Variants in GRK6 observed in about 807,000 individuals in gnomAD.
The protein encoded by GRK6 is G protein-coupled receptor kinase 6.
A neutral mutation model predicts 80.8 loss-of-function variants in GRK6; 37 were observed. The observed-to-expected ratio is 0.46, with a 90% CI of 0.35 to 0.60. GRK6 has a LOEUF of 0.60. GRK6 is among the 20% of genes least tolerant of loss of function. GRK6 has a pLI of 0.00. For synonymous variants in GRK6, 295 were observed against 320.9 expected, an observed-to-expected ratio of 0.92 and a Z score of 0.86; for missense variants, 560 against 784.6, an observed-to-expected ratio of 0.71 and a Z score of 3.42.
In GRK6 at chr5:177,435,045, C is replaced by G; in HGVS notation, c.981C>G (p.Ile327Met). 1.2e-6 allele frequency: 2 copies of G among 1,612,976 alleles called. No individual in the cohort carries two copies. Among genetic ancestry groups the G allele is most frequent in the Non-Finnish European group, 1.7e-6 (2 of 1,179,798 alleles). ...ACCCACACTCAGGCCACATCCGCAT[C>G]TCTGACCTGGGACTAGCTGTGCATG... Reference protein sequence around the residue: ...ILLDDHGHIRISDLGLAVHVP... With the variant: ...ILLDDHGHIRMSDLGLAVHVP... The change falls in exon 11 of 16, where the codon ATC becomes ATG. Residue 327 changes from isoleucine to methionine, a missense_variant. Physicochemically the swap from Ile to Met is conservative, Grantham distance 10. This residue lies in a region of GRK6 where 294 missense variants were observed against 397.4 expected (regional missense o/e 0.74). Transcript: ENST00000355472.
chr5:177,434,620 G>A (rs1442763941), intron 9 of GRK6, among the ~76,000 whole-genome samples: 1 of 152,180 alleles, frequency 6.6e-6, no homozygotes, highest in Non-Finnish European at 1.5e-5. Context: ...AGTCACCAAG[G>A]GGTGGAGACT....
At position 177,426,704 on chromosome 5, in the gene GRK6, G is replaced by T. The variant is rs1358403549; in HGVS notation, c.-142G>T. On this transcript the variant is annotated 5_prime_UTR_variant, in exon 1 of 16. Transcript: ENST00000355472. ...GAGTGCGCGGCTGGCTGCGGCGGCC[G>T]GGGAGGCCGGGGAGGCCGCGGCGCG... The T allele has an allele frequency of 5.7e-5, 15 of 263,012 alleles. No individual in the cohort carries two copies. The highest frequency in any genetic ancestry group is 8.7e-5 in the Non-Finnish European group (15 of 171,548). The allele number at this position is 263,012 out of a possible 1,614,324, so 16.3% of individuals were successfully genotyped here.
intron 1 of GRK6, among the ~76,000 whole-genome samples, chr5:177,427,143 A>C (rs1037501899): frequency 6.6e-6 from 1 of 152,050 alleles, no homozygotes; most frequent in Non-Finnish European, 1.5e-5. Context: ...TGAAGGAGTG[A>C]AAGAAGGTGA....
intron 13 of GRK6, among the ~76,000 whole-genome samples, chr5:177,439,408 C>T (rs528755268): frequency 5.3e-5 from 8 of 152,046 alleles, no homozygotes; most frequent in African/African-American, 1.7e-4. Flanking sequence ...GACGTGGTGG[C>T]GCATGCCGGT....
chr5:177,430,716 C>T (rs906116629), intron 1 of GRK6, 156 bp from the exon 2 acceptor site: 2 of 639,194 alleles, frequency 3.1e-6, no homozygotes, highest in African/African-American at 3.7e-5. Context: ...TGGAACGCAG[C>T]AAGGGCGTGC....
In GRK6 at chr5:177,434,888, TTC is replaced by T; in HGVS notation, c.930-8_930-7del. 6.2e-7 allele frequency: 1 copy of T among 1,613,652 alleles called. No individual in the cohort carries two copies. Among genetic ancestry groups the T allele is most frequent in the Non-Finnish European group, 8.5e-7 (1 of 1,179,994 alleles). On this transcript the variant is annotated splice_polypyrimidine_tract_variant and intron_variant, in intron 9 of 15. Coordinates refer to ENST00000355472, the MANE Select transcript of GRK6 (RefSeq NM_001004106.3). ...AACTGAGCAGCATCTGACCCTGCTC[TTC>T]TCTCTGCACAGGGACCTGAAGCCCG...
chr5:177,441,088 C>T (rs1380532217), intron 15 of GRK6, 35 bp downstream of exon 15: 3 of 1,608,892 alleles, frequency 1.9e-6, no homozygotes, highest in Admixed American at 3.4e-5. Context: ...GGGCCCCTAA[C>T]CTGGCTCCAG....
intron 10 of GRK6, 30 bp from the exon 11 acceptor site, chr5:177,435,002 G>C (rs775005733): frequency 1.3e-6 from 2 of 1,544,870 alleles, no homozygotes; most frequent in Non-Finnish European, 1.8e-6. Flanking sequence ...GCCTGTTAAC[G>C]GGTCCACCTG....
intron 1 of GRK6, 125 bp from the exon 2 acceptor site, chr5:177,430,747 C>T: frequency 5.4e-6 from 4 of 742,674 alleles, no homozygotes; most frequent in Middle Eastern, 3.7e-4. Flanking sequence ...AGAGGGAAGG[C>T]CTGAGGTGCT....
Position 177,436,420 on chromosome 5 carries a change from C to T in GRK6, c.1294C>T (p.Leu432=). Residue 432 remains leucine (L), a synonymous_variant, in exon 13 of 16, where the codon CTG becomes TTG. Transcript: ENST00000355472. ...QLLCKDPAER[L]GCRGGSAREV... ...CCTCTGCAAGGACCCTGCCGAACGC[C>T]TGGGGTGTCGTGGGGGCAGTGCCCG... 6.2e-7 allele frequency: 1 copy of T among 1,613,370 alleles called. No individual in the cohort carries two copies. Among genetic ancestry groups the T allele is most frequent in the Admixed American group, 1.7e-5 (1 of 59,998 alleles).
At chr5:177,432,915 C>T in intron 5 of GRK6, 109 bp downstream of exon 5, 3 of 942,632 alleles carry the variant, frequency 3.2e-6, no homozygotes, top group Non-Finnish European at 4.9e-6. Flanking sequence ...CTCAGCTGCC[C>T]AGCCCTGGCC....
intron 9 of GRK6, 35 bp from the exon 10 acceptor site, chr5:177,434,865 CTG>C (rs1240089350): frequency 6.2e-7 from 1 of 1,612,324 alleles, no homozygotes. Context: ...CCCTGGCAAA[CTG>C]AGCAGCATCT....
Position 177,441,904 on chromosome 5 carries a change from A to G in GRK6, c.*114A>G, listed in dbSNP as rs1581694573. On this transcript the variant is annotated 3_prime_UTR_variant, in exon 16 of 16. Coordinates refer to ENST00000355472, the MANE Select transcript of GRK6 (RefSeq NM_001004106.3). ...CCACTCAAGTCGTGGCCTGGGGAACACAGACGGAGCTGTCCCCAGTGTCCT... is the reference window on the plus strand; with the variant it reads ...CCACTCAAGTCGTGGCCTGGGGAACGCAGACGGAGCTGTCCCCAGTGTCCT... 1 of 990,842 alleles carries G rather than the reference A, an allele frequency of 1.0e-6. No individual in the cohort carries two copies. The highest frequency in any genetic ancestry group is 2.5e-5 in the East Asian group (1 of 40,118). The allele number at this position is 990,842 out of a possible 1,614,324, so 61.4% of individuals were successfully genotyped here.
rs1032892199 is a variant in GRK6, at chr5:177,428,698, A to C, written c.52+1801A>C. Among the ~76,000 whole-genome samples, 12 of 152,186 alleles carry C rather than the reference A, an allele frequency of 7.9e-5. No individual in the cohort carries two copies. Among genetic ancestry groups the C allele is most frequent in the African/African-American group, 2.9e-4 (12 of 41,452 alleles). On this transcript the variant is annotated intron_variant, in intron 1 of 15. Transcript: ENST00000355472. This position sits in a 1 kb window ranked among gnomAD's most constrained non-coding sequence, Gnocchi z 4.1. ...CTCCCTAATTGCTGGGATTATAGGC[A>C]TGAGCCACCGCGCCTGGCCGACCTG...
At position 177,429,407 on chromosome 5, in the gene GRK6, G is replaced by T. The variant is rs542071314; in HGVS notation, c.53-1465G>T. On this transcript the variant is annotated intron_variant, in intron 1 of 15. Coordinates refer to ENST00000355472, the MANE Select transcript of GRK6 (RefSeq NM_001004106.3). This position sits in a 1 kb window ranked among gnomAD's most constrained non-coding sequence, Gnocchi z 4.3. ...AGGGGGGAGGAGGAAGTAACTGAGGGTGGGAGGCTGGCGGATGGAGGGTTG... is the reference window on the plus strand; with the variant it reads ...AGGGGGGAGGAGGAAGTAACTGAGGTTGGGAGGCTGGCGGATGGAGGGTTG... Among the ~76,000 whole-genome samples the T allele has an allele frequency of 6.6e-6, 1 of 152,242 alleles. No homozygotes were observed. The highest frequency in any genetic ancestry group is 1.9e-4 in the East Asian group (1 of 5,180).
intron 11 of GRK6, among the ~76,000 whole-genome samples, chr5:177,435,341 C>T (rs1476217377): frequency 6.6e-6 from 1 of 152,268 alleles, no homozygotes; most frequent in Non-Finnish European, 1.5e-5. Context: ...TTATTAAACC[C>T]TGCTATGGCT....
At chr5:177,440,318 G>T (rs1457911292) in intron 13 of GRK6, among the ~76,000 whole-genome samples, 2 of 152,222 alleles carry the variant, frequency 1.3e-5, no homozygotes, top group Non-Finnish European at 2.9e-5. Context: ...AGGGCGGGGA[G>T]CCAGGGAGTC....
chr5:177,433,503 G>C, intron 7 of GRK6, 33 bp from the exon 8 acceptor site: 4 of 1,613,336 alleles, frequency 2.5e-6, no homozygotes, highest in Non-Finnish European at 3.4e-6. Flanking sequence ...TGGCACAGCT[G>C]GCCCCCATTC....
In GRK6 at chr5:177,434,903, G is replaced by A. The variant is rs1764072705; in HGVS notation, c.931G>A (p.Asp311Asn). The A allele has an allele frequency of 6.3e-7, 1 of 1,598,882 alleles. No individual in the cohort carries two copies. The highest frequency in any genetic ancestry group is 1.7e-5 in the Admixed American group (1 of 59,622). The change falls in exon 10 of 16, where the codon GAC becomes AAC. Residue 311 changes from aspartate to asparagine, a missense_variant and splice_region_variant. Transcript: ENST00000355472. ...DLHRERIVYR[D>N]LKPENILLDD... ...GACCCTGCTCTTCTCTCTGCACAGGGACCTGAAGCCCGAGAACATCTTGCT... is the reference window on the plus strand; with the variant it reads ...GACCCTGCTCTTCTCTCTGCACAGGAACCTGAAGCCCGAGAACATCTTGCT...
Sources: gnomAD v4.1 joint callset for allele counts (sites outside exome capture counted in the v4.1 genomes callset) on GRCh38, gnomAD v4.1.1 for gene constraint, gnomAD v4.1.1 regional missense constraint, Gnocchi (gnomAD v3.1) non-coding constraint, MANE v1.5 for transcripts, NCBI Gene and HGNC (gene_info 2026-07-23, HGNC 2026-07-21) for gene names.